The following DLG2 variants were observed in gnomAD, a reference collection of about 807,000 sequenced individuals.
DLG2 encodes disks large homolog 2.
Under a neutral mutation model 132.5 loss-of-function variants are expected in DLG2, and 45 were observed. The observed-to-expected ratio is 0.34, with a 90% CI of 0.27 to 0.44. The LOEUF (loss-of-function observed/expected upper bound fraction) is 0.44. Among genes scored for constraint, DLG2 ranks in the 20% least tolerant of loss-of-function variants. The pLI, the probability that DLG2 is intolerant of heterozygous loss-of-function variation, is 1.00. For synonymous variants in DLG2, 424 were observed against 419.6 expected, an observed-to-expected ratio of 1.01 and a Z score of -0.13; for missense variants, 1,045 against 1,196.9, an observed-to-expected ratio of 0.87 and a Z score of 1.87.
chr11:85,490,146 C>T (rs569451909), intron 3 of DLG2, among the ~76,000 whole-genome samples: 12 of 152,168 alleles, frequency 7.9e-5, no homozygotes, highest in South Asian at 2.1e-4. Flanking sequence ...TATAATCATG[C>T]CACTGCACTC....
chr11:83,808,828 CCTCT>C (rs2046562390), intron 17 of DLG2, among the ~76,000 whole-genome samples: 1 of 149,650 alleles, frequency 6.7e-6, no homozygotes, highest in African/African-American at 2.4e-5. Context: ...CATTTTTTTT[CCTCT>C]CTATTATACC....
chr11:85,590,031 C>T (rs1381585718), intron 3 of DLG2, among the ~76,000 whole-genome samples: 2 of 152,056 alleles, frequency 1.3e-5, no homozygotes, highest in African/African-American at 4.8e-5. Context: ...ATCCAAATAA[C>T]CATTTACTTC....
chr11:84,590,376 A>C (rs1402131892), intron 6 of DLG2, among the ~76,000 whole-genome samples: 1 of 152,184 alleles, frequency 6.6e-6, no homozygotes, highest in East Asian at 1.9e-4. Flanking sequence ...TATGCTTGGC[A>C]CGTTTTTTCT....
At chr11:84,473,015 CA>C (rs1483925588) in intron 7 of DLG2, among the ~76,000 whole-genome samples, 1 of 151,862 alleles carries the variant, frequency 6.6e-6, no homozygotes, top group Non-Finnish European at 1.5e-5. Context: ...GCAGTAATGC[CA>C]AAGCTAGAAG....
At chr11:83,801,404 T>C (rs533861651) in intron 17 of DLG2, among the ~76,000 whole-genome samples, 4 of 152,346 alleles carry the variant, frequency 2.6e-5, no homozygotes, top group Non-Finnish European at 5.9e-5. Context: ...TGGCTCCTTG[T>C]TAGACTTTGA....
chr11:84,532,117 ATTTTT>A (rs67139617), intron 7 of DLG2, among the ~76,000 whole-genome samples: 4 of 104,580 alleles, frequency 3.8e-5, no homozygotes, highest in African/African-American at 1.1e-4. Context: ...TGTTCTGTTC[ATTTTT>A]TTTTTTTTTT....
chr11:84,560,289 G>A (rs965220888), intron 6 of DLG2, among the ~76,000 whole-genome samples: 3 of 152,066 alleles, frequency 2.0e-5, no homozygotes, highest in Non-Finnish European at 1.5e-5. Flanking sequence ...CCTACAGTGT[G>A]CTAGGCACTA....
chr11:84,089,579 C>A (rs1180443309), intron 10 of DLG2, among the ~76,000 whole-genome samples: 1 of 152,242 alleles, frequency 6.6e-6, no homozygotes, highest in South Asian at 2.1e-4. Context: ...GACCTCTCAA[C>A]TTTGTCAGTA....
intron 19 of DLG2, among the ~76,000 whole-genome samples, chr11:83,579,970 AAAATAAAT>A (rs1041738048): frequency 8.6e-5 from 13 of 151,966 alleles, no homozygotes; most frequent in African/African-American, 2.6e-4. Flanking sequence ...ACTCTATCTC[AAAATAAAT>A]AAATAAATAA....
At chr11:85,122,969 ATTTTTTTTT>A (rs1175644391) in intron 5 of DLG2, among the ~76,000 whole-genome samples, 9 of 86,848 alleles carry the variant, frequency 1.0e-4, no homozygotes, top group Non-Finnish European at 1.3e-4. Context: ...ATATATATAT[ATTTTTTTTT>A]TTTTTTTTTT....
intron 9 of DLG2, among the ~76,000 whole-genome samples, chr11:84,143,035 C>G (rs2094921592): frequency 6.6e-6 from 1 of 152,098 alleles, no homozygotes; most frequent in Non-Finnish European, 1.5e-5. Flanking sequence ...TATAAACTTG[C>G]AATCTGGTAG....
rs1399378471 is a variant in DLG2 at position 85,189,795 on chromosome 11, G to GA, written c.187-35145dup. ...CATAGTTGAACACTACACTCACAATGAATGTATTTTTTTTTTCTTAGAGAC... is the reference window on the plus strand; with the variant it reads ...CATAGTTGAACACTACACTCACAATGAAATGTATTTTTTTTTTCTTAGAGAC... On this transcript the variant is annotated intron_variant, in intron 4 of 27. Coordinates refer to ENST00000376104, the MANE Select transcript of DLG2 (RefSeq NM_001142699.3). 4.6e-5 allele frequency among the ~76,000 whole-genome samples: 7 copies of GA among 151,852 alleles called. No homozygotes were observed. The Admixed American group carries it at 4.6e-4, about 10-fold the overall frequency.
At chr11:84,868,544 G>A (rs1306943440) in intron 6 of DLG2, among the ~76,000 whole-genome samples, 2 of 152,098 alleles carry the variant, frequency 1.3e-5, no homozygotes, top group African/African-American at 4.8e-5. Context: ...GATGAGAAAT[G>A]ACAACTTTTC....
At chr11:85,393,560 C>A (rs953305467) in intron 3 of DLG2, among the ~76,000 whole-genome samples, 1 of 151,528 alleles carries the variant, frequency 6.6e-6, no homozygotes, top group Non-Finnish European at 1.5e-5. Context: ...AAAAATGGAC[C>A]AGCCCAAATG....
intron 6 of DLG2, among the ~76,000 whole-genome samples, chr11:84,678,694 T>C (rs1642527198): frequency 6.6e-6 from 1 of 152,080 alleles, no homozygotes; most frequent in Admixed American, 6.6e-5. Context: ...GCTAGCCAGC[T>C]TCTCATTTGT....
intron 5 of DLG2, among the ~76,000 whole-genome samples, chr11:85,115,525 C>A (rs1315123987): frequency 1.3e-5 from 2 of 151,866 alleles, no homozygotes; most frequent in Non-Finnish European, 2.9e-5. Flanking sequence ...CATTTCATGA[C>A]AGATCAAAAA....
chr11:83,728,033 C>T (rs1400946702), intron 18 of DLG2, among the ~76,000 whole-genome samples: 1 of 152,176 alleles, frequency 6.6e-6, no homozygotes, highest in Non-Finnish European at 1.5e-5. Flanking sequence ...TCTTCAGCCT[C>T]AAACCTCCAC....
At chr11:84,137,361 A>G (rs1304953559) in intron 9 of DLG2, among the ~76,000 whole-genome samples, 2 of 152,154 alleles carry the variant, frequency 1.3e-5, no homozygotes, top group Admixed American at 1.3e-4. Context: ...ATGTATTCAC[A>G]AAGAAGCTGA....
At chr11:83,614,218 GA>G (rs1440327000) in intron 19 of DLG2, among the ~76,000 whole-genome samples, 1 of 152,172 alleles carries the variant, frequency 6.6e-6, no homozygotes, top group Non-Finnish European at 1.5e-5. Flanking sequence ...AGCAAGGACT[GA>G]GTACTTTTAT....
Sources: allele counts gnomAD v4.1 joint callset (sites outside exome capture counted in the v4.1 genomes callset), GRCh38; gene constraint gnomAD v4.1.1; transcripts MANE v1.5; gene names NCBI Gene and HGNC (gene_info 2026-07-23, HGNC 2026-07-21).